AEBP2: variants seen among roughly 807,000 people sequenced by gnomAD.
AEBP2 encodes the protein AE binding protein 2, also known as zinc finger protein AEBP2.
A neutral mutation model predicts 50.8 loss-of-function variants in AEBP2; 10 were observed. That is an observed-to-expected ratio of 0.20 (90% CI 0.12 to 0.33). The LOEUF (loss-of-function observed/expected upper bound fraction) is 0.33. AEBP2 is among the 10% of genes least tolerant of loss of function. The pLI is 1.00. For missense variants in AEBP2, 570 were observed against 688.0 expected (o/e 0.83, Z 1.92); for synonymous variants, 296 against 261.3 (o/e 1.13, Z -1.28).
chr12:19,439,956 G>A lies in AEBP2; in HGVS notation c.257G>A (p.Ser86Asn). The change falls in exon 1 of 8, where the codon AGC (serine) becomes AAC (asparagine). Residue 86 changes from serine to asparagine, a missense_variant. Ser to Asn is a conservative substitution (Grantham distance 46, BLOSUM62 1). Around this residue, in one of 2 missense-constraint regions of AEBP2, gnomAD observed 386 missense variants for 336.8 expected, o/e 1.15. Coordinates refer to ENST00000266508, the MANE Select transcript of AEBP2 (RefSeq NM_153207.5). ...GAGGCAGAGACGATGTCGGAGCCGA[G>A]CCCCGAGAGCGCCAGCCAGGCCGGG... The part of the protein sequence containing the change: ...GGEAETMSEP[S>N]PESASQAGED... 6.6e-7 allele frequency: 1 copy of A among 1,518,970 alleles called. No homozygotes were observed. The highest frequency in any genetic ancestry group is 2.6e-5 in the East Asian group (1 of 37,992). The allele number at this position is 1,518,970 out of a possible 1,614,324, so 94.1% of individuals were successfully genotyped here. A position where few individuals can be genotyped will look rare whatever the true frequency, so the allele number is the denominator to read the frequency against.
intron 1 of AEBP2, among the ~76,000 whole-genome samples, chr12:19,405,517 G>T (rs1189650781): frequency 1.3e-5 from 2 of 151,280 alleles, no homozygotes; most frequent in East Asian, 2.0e-4. Flanking sequence ...GTACAGACAG[G>T]GTTTCACCAT....
intron 1 of AEBP2, among the ~76,000 whole-genome samples, chr12:19,412,162 T>C (rs1032621727): frequency 4.6e-5 from 7 of 152,254 alleles, no homozygotes; most frequent in Non-Finnish European, 8.8e-5. Flanking sequence ...TTCTGTGGAC[T>C]CTCAGAGGCC....
At chr12:19,501,753 T>G (rs978861807) in intron 5 of AEBP2, among the ~76,000 whole-genome samples, 2 of 151,580 alleles carry the variant, frequency 1.3e-5, no homozygotes, top group Non-Finnish European at 2.9e-5. Flanking sequence ...ATATGTTGTT[T>G]GGTTTGAACC....
At chr12:19,414,119 C>T (rs1021688478) in intron 1 of AEBP2, among the ~76,000 whole-genome samples, 10 of 152,086 alleles carry the variant, frequency 6.6e-5, no homozygotes, top group African/African-American at 2.2e-4. Flanking sequence ...ATCTTGAACT[C>T]CTGACCTCGT....
chr12:19,512,944 T>A (rs1304778534), intron 6 of AEBP2, among the ~76,000 whole-genome samples: 1 of 152,130 alleles, frequency 6.6e-6, no homozygotes, highest in Admixed American at 6.6e-5. Flanking sequence ...TGAGACTGTC[T>A]CAAAAACAAA....
At position 19,492,574 on chromosome 12, in the gene AEBP2, T is replaced by C. The variant is rs1948909780; in HGVS notation, c.988-1226T>C. Among the ~76,000 whole-genome samples, 3 of 151,852 alleles carry C rather than the reference T, an allele frequency of 2.0e-5. No individual in the cohort carries two copies. The South Asian group carries it at 6.2e-4, about 31-fold the overall frequency. ...TTAAAAAATTTATACAAACAAAATA[T>C]AAATAAAAAAACAAAATAAAATAAA... On this transcript the variant is annotated intron_variant, in intron 3 of 7. Coordinates refer to ENST00000266508, the MANE Select transcript of AEBP2 (RefSeq NM_153207.5).
At chr12:19,513,412 G>A (rs1187775643) in intron 6 of AEBP2, among the ~76,000 whole-genome samples, 1 of 152,092 alleles carries the variant, frequency 6.6e-6, no homozygotes, top group Non-Finnish European at 1.5e-5. Flanking sequence ...TAAGCATCAA[G>A]AATAGAATAA....
intron 1 of AEBP2, among the ~76,000 whole-genome samples, chr12:19,449,768 A>AT (rs1226999173): frequency 3.3e-5 from 5 of 152,076 alleles, no homozygotes; most frequent in East Asian, 1.9e-4. Flanking sequence ...CTTCCAGTTA[A>AT]TTTTTTTTGA....
chr12:19,440,681 C>A (rs940058572), intron 1 of AEBP2: 1 of 1,533,208 alleles, frequency 6.5e-7, no homozygotes, highest in African/African-American at 1.4e-5. Flanking sequence ...CCCAGATCCT[C>A]TGGCGGAGCA....
chr12:19,461,434 A>G (rs1411171315), intron 1 of AEBP2, among the ~76,000 whole-genome samples: 1 of 152,146 alleles, frequency 6.6e-6, no homozygotes, highest in Non-Finnish European at 1.5e-5. Flanking sequence ...CTACTGTGTA[A>G]TACTTTATTT....
Position 19,518,693 on chromosome 12 carries a change from G to A in AEBP2, c.*576G>A. On this transcript the variant is annotated 3_prime_UTR_variant, in exon 8 of 8. Coordinates refer to ENST00000266508, the MANE Select transcript of AEBP2 (RefSeq NM_153207.5). Reference sequence around the variant, plus strand: ...TTTGCAGAACTCTGATAAGAAAAGTGTTCAATTTGTATTTAAGCAAACAGT... The same window carrying A: ...TTTGCAGAACTCTGATAAGAAAAGTATTCAATTTGTATTTAAGCAAACAGT... 3 of 1,482,976 alleles carry A rather than the reference G, an allele frequency of 2.0e-6. No individual in the cohort carries two copies. The highest frequency in any genetic ancestry group is 1.8e-6 in the Non-Finnish European group (2 of 1,098,728). 91.9% of individuals were successfully genotyped at this position (1,482,976 alleles called of 1,614,324 possible).
Position 19,518,800 on chromosome 12 carries a change from G to C in AEBP2, c.*683G>C. On this transcript the variant is annotated 3_prime_UTR_variant, in exon 8 of 8. Coordinates refer to ENST00000266508, the MANE Select transcript of AEBP2 (RefSeq NM_153207.5). ...TGTTAAAGAGTGTTGCAGTATGTCT[G>C]GTGGCTCCCTTTTCAGGACTAGGGC... 1 of 1,273,396 alleles carries C rather than the reference G, an allele frequency of 7.9e-7. No homozygotes were observed. The highest frequency in any genetic ancestry group is 1.1e-6 in the Non-Finnish European group (1 of 935,982). The allele number at this position is 1,273,396 out of a possible 1,614,324, so 78.9% of individuals were successfully genotyped here.
chr12:19,458,913 G>A (rs1288319768), intron 1 of AEBP2, among the ~76,000 whole-genome samples: 1 of 152,194 alleles, frequency 6.6e-6, no homozygotes, highest in Non-Finnish European at 1.5e-5. Context: ...TTGGAGACTA[G>A]CTATGTCTCT....
intron 1 of AEBP2, among the ~76,000 whole-genome samples, chr12:19,430,878 C>G (rs1320383744): frequency 2.0e-5 from 3 of 151,878 alleles, no homozygotes; most frequent in Non-Finnish European, 4.4e-5. Context: ...AGATTTTTAG[C>G]TGGGTGTGAT....
chr12:19,463,237 G>T (rs1241733355), intron 2 of AEBP2, among the ~76,000 whole-genome samples: 1 of 152,194 alleles, frequency 6.6e-6, no homozygotes, highest in African/African-American at 2.4e-5. Context: ...TGATTAGTTA[G>T]TATTGACCTA....
chr12:19,498,614 GA>G (rs1164852460), intron 4 of AEBP2, among the ~76,000 whole-genome samples: 1 of 152,052 alleles, frequency 6.6e-6, no homozygotes, highest in Non-Finnish European at 1.5e-5. Context: ...TTTTATTAGT[GA>G]AATTGAATTT....
chr12:19,473,245 C>A lies in AEBP2; in HGVS notation c.880-3C>A. ...ATTAATATGGTTCTGTTTTTCTTAACAGGTATTTGTTTGCTTATGGAAAGG... is the reference window on the plus strand; with the variant it reads ...ATTAATATGGTTCTGTTTTTCTTAAAAGGTATTTGTTTGCTTATGGAAAGG... On this transcript the variant is annotated splice_region_variant and splice_polypyrimidine_tract_variant and intron_variant, in intron 2 of 7. Transcript: ENST00000266508. 1.4e-6 allele frequency: 2 copies of A among 1,412,482 alleles called. No individual in the cohort carries two copies. Among genetic ancestry groups the A allele is most frequent in the Admixed American group, 2.7e-5 (1 of 36,488 alleles). The allele number at this position is 1,412,482 out of a possible 1,614,324, so 87.5% of individuals were successfully genotyped here.
intron 3 of AEBP2, among the ~76,000 whole-genome samples, chr12:19,489,067 G>A (rs879331716): frequency 3.9e-5 from 6 of 152,204 alleles, no homozygotes; most frequent in Non-Finnish European, 8.8e-5. Context: ...GGGATTACAG[G>A]CGTGAGCCAC....
chr12:19,442,884 A>C (rs900054413), intron 1 of AEBP2, among the ~76,000 whole-genome samples: 6 of 152,112 alleles, frequency 3.9e-5, no homozygotes, highest in South Asian at 2.1e-4. Context: ...CAATCTGTGG[A>C]TTTTATAGGT....
Sources: gnomAD v4.1 joint callset for allele counts (sites outside exome capture counted in the v4.1 genomes callset) on GRCh38, gnomAD v4.1.1 for gene constraint, gnomAD v4.1.1 regional missense constraint, MANE v1.5 for transcripts, NCBI Gene and HGNC (gene_info 2026-07-23, HGNC 2026-07-21) for gene names.